SIVA1: variants seen among roughly 807,000 people sequenced by gnomAD.
The protein encoded by SIVA1 is apoptosis regulatory protein Siva.
A neutral mutation model predicts 19.7 loss-of-function variants in SIVA1; 10 were observed. The observed-to-expected ratio is 0.51, with a 90% confidence interval of 0.31 to 0.86. SIVA1 has a LOEUF of 0.86. SIVA1 is among the 40% of genes least tolerant of loss of function. SIVA1 has a pLI of 0.04. For synonymous variants in SIVA1, 130 were observed against 106.1 expected (o/e 1.23, Z -1.39); for missense variants, 241 against 245.2 (o/e 0.98, Z 0.11).
intron 1 of SIVA1, 96 bp from the exon 2 acceptor site, chr14:104,755,534 C>A: frequency 8.9e-7 from 1 of 1,129,114 alleles, no homozygotes; most frequent in Non-Finnish European, 1.3e-6. Flanking sequence ...CACAGGAGGA[C>A]GATGGGGTTC....
chr14:104,757,797 C>G (rs1434808878), intron 3 of SIVA1: 3 of 152,502 alleles, frequency 2.0e-5, no homozygotes, highest in Non-Finnish European at 4.4e-5. Flanking sequence ...AGAGGTGGGT[C>G]CCAGAGCGCT....
chr14:104,759,404 C>A lies in SIVA1; in HGVS notation c.471-24C>A. ...TTCAGCCCCTGACAGCAGCTTTTCT[C>A]TCCCCTCCCTGACGCTGTCGCAGCT... On this transcript the variant is annotated intron_variant, in intron 3 of 3. Transcript: ENST00000329967. The surrounding 1 kb of genome is among the most constrained non-coding windows in gnomAD (Gnocchi z 4.2). 6.2e-7 allele frequency: 1 copy of A among 1,609,732 alleles called. No homozygotes were observed. The highest frequency in any genetic ancestry group is 1.1e-5 in the South Asian group (1 of 90,444).
intron 2 of SIVA1, chr14:104,756,272 A>C: frequency 2.1e-6 from 1 of 468,432 alleles, no homozygotes; most frequent in South Asian, 2.1e-5. Flanking sequence ...CCACACTGAG[A>C]CCCAGATGGG....
rs778220451 is a variant in SIVA1 at position 104,755,718 on chromosome 14, G to C, written c.207G>C (p.Glu69Asp). Residue 69 changes from glutamate to aspartate, a missense_variant, in exon 2 of 4, where the codon GAG (glutamate) becomes GAC (aspartate). Transcript: ENST00000329967. ...GCTGTGCCGTCGTTCACCTGCCAGAGTCCCCAAAGCCTGGCCCTACAGGGG... is the reference window on the plus strand; with the variant it reads ...GCTGTGCCGTCGTTCACCTGCCAGACTCCCCAAAGCCTGGCCCTACAGGGG... ...DEGCAVVHLP[E>D]SPKPGPTGAP... is the part of the protein sequence containing the mutation. 2 of 1,614,112 alleles carry C rather than the reference G, an allele frequency of 1.2e-6. No individual in the cohort carries two copies. The highest frequency in any genetic ancestry group is 2.2e-5 in the South Asian group (2 of 91,084).
At chr14:104,756,509 C>G (rs1891892549) in intron 2 of SIVA1, 95 bp from the exon 3 acceptor site, 2 of 1,457,206 alleles carry the variant, frequency 1.4e-6, no homozygotes, top group Admixed American at 1.7e-5. Flanking sequence ...GGTCAGAGCC[C>G]TCTGCCCTCA....
chr14:104,755,618 A>C lies in SIVA1; in HGVS notation c.119-12A>C, dbSNP rs780208577. 7.5e-6 allele frequency: 12 copies of C among 1,605,982 alleles called. No individual in the cohort carries two copies. The South Asian group carries it at 1.3e-4, about 18-fold the overall frequency. On this transcript the variant is annotated splice_polypyrimidine_tract_variant and intron_variant, in intron 1 of 3. Transcript: ENST00000329967. ...ACAGTGAAGGACGTGAGAATGATTTATCTTCCCCCAGAGAAGACCAAGCGA... is the reference window on the plus strand; with the variant it reads ...ACAGTGAAGGACGTGAGAATGATTTCTCTTCCCCCAGAGAAGACCAAGCGA...
chr14:104,756,056 G>C, intron 2 of SIVA1: 1 of 655,894 alleles, frequency 1.5e-6, no homozygotes, highest in Non-Finnish European at 2.8e-6. Flanking sequence ...GAGACTCCCC[G>C]GGTATCCCGT....
At chr14:104,756,196 C>G (rs1421092932) in intron 2 of SIVA1, 2 of 440,782 alleles carry the variant, frequency 4.5e-6, no homozygotes, top group East Asian at 9.8e-5. Context: ...CCGACTCTAC[C>G]TCAAGTCTGG....
intron 1 of SIVA1, among the ~76,000 whole-genome samples, chr14:104,754,141 T>C (rs1260245175): frequency 1.3e-5 from 2 of 152,126 alleles, no homozygotes. Context: ...CGTGTTGATC[T>C]TATTGATCAT....
At position 104,753,166 on chromosome 14, in the gene SIVA1, C is replaced by A; in HGVS notation, c.-36C>A. 8 of 1,387,746 alleles carry A rather than the reference C, an allele frequency of 5.8e-6. No homozygotes were observed. The highest frequency in any genetic ancestry group is 7.9e-6 in the Non-Finnish European group (8 of 1,006,778). 86.0% of individuals were successfully genotyped at this position (1,387,746 alleles called of 1,614,324 possible). A position where few individuals can be genotyped will look rare whatever the true frequency, so the allele number is the denominator to read the frequency against. On this transcript the variant is annotated 5_prime_UTR_variant, in exon 1 of 4. Coordinates refer to ENST00000329967, the MANE Select transcript of SIVA1 (RefSeq NM_006427.4). ...CACGGCGTCGTTGGTAAGGGGCTGG[C>A]GGCCGGGGAGCTGCGTAGCTCCCGG... is the stretch of plus-strand genomic sequence containing the variant.
At chr14:104,755,860 C>T (rs1277188691) in intron 2 of SIVA1, 36 bp downstream of exon 2, 1 of 1,589,458 alleles carries the variant, frequency 6.3e-7, no homozygotes, top group Non-Finnish European at 8.6e-7. Context: ...GGCTGTGGCA[C>T]TGAGGGCAGG....
In SIVA1 at chr14:104,759,642, C is replaced by G. The variant is rs1133044; in HGVS notation, c.*157C>G. 0.17 allele frequency: 96,316 copies of G among 559,424 alleles called. 9,001 individuals carry two copies. The highest frequency in any genetic ancestry group is 0.2 in the Admixed American group (6,251 of 30,816). 34.7% of individuals were successfully genotyped at this position (559,424 alleles called of 1,614,324 possible). On this transcript the variant is annotated 3_prime_UTR_variant, in exon 4 of 4. Transcript: ENST00000329967. This position sits in a 1 kb window ranked among gnomAD's most constrained non-coding sequence, Gnocchi z 4.2. ...TCCTAATGACAGAATGAATAAACCTCTTTATATTTGCACAAGAGGACTCTT... is the reference window on the plus strand; with the variant it reads ...TCCTAATGACAGAATGAATAAACCTGTTTATATTTGCACAAGAGGACTCTT...
At chr14:104,757,302 G>A in intron 3 of SIVA1, 1 of 444,408 alleles carries the variant, frequency 2.3e-6, no homozygotes, top group South Asian at 1.6e-5. Context: ...GATGGGAGTG[G>A]ACAGTGTGGA....
intron 3 of SIVA1, chr14:104,757,270 C>T: frequency 2.3e-6 from 1 of 437,532 alleles, no homozygotes; most frequent in Non-Finnish European, 4.6e-6. Flanking sequence ...GCGTTCTCAC[C>T]CTAGGGGCTA....
chr14:104,756,128 C>A (rs1891879603), intron 2 of SIVA1: 1 of 528,706 alleles, frequency 1.9e-6, no homozygotes, highest in Non-Finnish European at 3.4e-6. Flanking sequence ...CCAGTCCCAT[C>A]CCTATGCAGT....
Position 104,759,632 on chromosome 14 carries a change from G to T in SIVA1, c.*147G>T, listed in dbSNP as rs1017229532. 1.3e-4 allele frequency: 76 copies of T among 585,534 alleles called. No homozygotes were observed. In the African/African-American group the frequency reaches 1.4e-3, roughly 11 times the overall value. The allele number at this position is 585,534 out of a possible 1,614,324, so 36.3% of individuals were successfully genotyped here. ...CTATTTTGTATCCTAATGACAGAAT[G>T]AATAAACCTCTTTATATTTGCACAA... On this transcript the variant is annotated 3_prime_UTR_variant, in exon 4 of 4. Coordinates refer to ENST00000329967, the MANE Select transcript of SIVA1 (RefSeq NM_006427.4). This position sits in a 1 kb window ranked among gnomAD's most constrained non-coding sequence, Gnocchi z 4.2.
chr14:104,757,215 G>C, intron 3 of SIVA1: 1 of 375,380 alleles, frequency 2.7e-6, no homozygotes, highest in South Asian at 1.9e-5. Flanking sequence ...GGGTGGGTTT[G>C]CTGCAGCTGG....
rs550055824 is a variant in SIVA1, at chr14:104,757,076, T to C, written c.470+316T>C. On this transcript the variant is annotated intron_variant, in intron 3 of 3. Transcript: ENST00000329967. ...CCTCCTCTGGTCTTTGAGCCCCCCC[T>C]CCCCCCGTCCGAGGAGCCCCTGGTT... 719 of 403,028 alleles carry C rather than the reference T, an allele frequency of 1.8e-3. 4 individuals are homozygous for C. Among genetic ancestry groups the C allele is most frequent in the African/African-American group, 0.014 (676 of 47,656 alleles). The allele number at this position is 403,028 out of a possible 1,614,324, so 25.0% of individuals were successfully genotyped here. A position where few individuals can be genotyped will look rare whatever the true frequency, so the allele number is the denominator to read the frequency against.
Position 104,753,565 on chromosome 14 carries a change from C to T in SIVA1, c.118+246C>T, listed in dbSNP as rs988473387. 9.2e-5 allele frequency among the ~76,000 whole-genome samples: 14 copies of T among 152,320 alleles called. No individual in the cohort carries two copies. In the East Asian group the frequency reaches 1.4e-3, roughly 15 times the overall value. ...CAGCCTGAAAGAAAAGGGTCCCTGC[C>T]CCTAGCCCCCGCGCCCTCTTCCACG... is the stretch of plus-strand genomic sequence containing the variant. On this transcript the variant is annotated intron_variant, in intron 1 of 3. Transcript: ENST00000329967.
Sources: gnomAD v4.1 joint callset for allele counts (sites outside exome capture counted in the v4.1 genomes callset) on GRCh38, gnomAD v4.1.1 for gene constraint, Gnocchi (gnomAD v3.1) non-coding constraint, MANE v1.5 for transcripts, NCBI Gene and HGNC (gene_info 2026-07-23, HGNC 2026-07-21) for gene names.